The following TXNRD3 variants were observed in gnomAD, a reference collection of about 807,000 sequenced individuals.
TXNRD3 encodes TXNRD3 neighbor gene protein.
TXNRD3 carries 68 observed loss-of-function variants against 78.2 expected under a neutral mutation model. That is an observed-to-expected ratio of 0.87 (90% CI 0.72 to 1.06). The LOEUF (loss-of-function observed/expected upper bound fraction) is 1.06, where lower values mean the gene tolerates loss of function less well. TXNRD3 is among the 50% of genes least tolerant of loss of function. The pLI is 0.00. For synonymous variants in TXNRD3, 296 were observed against 300.1 expected (o/e 0.99, Z 0.14); for missense variants, 751 against 809.5 (o/e 0.93, Z 0.88).
In TXNRD3 at chr3:126,615,547, A is replaced by G. The variant is rs186036338; in HGVS notation, c.1525-85T>C. 89 of 658,956 alleles carry G rather than the reference A, an allele frequency of 1.4e-4. No individual in the cohort carries two copies. In the Admixed American group the frequency reaches 1.7e-3, roughly 12 times the overall value. The allele number at this position is 658,956 out of a possible 1,614,324, so 40.8% of individuals were successfully genotyped here. The stretch of plus-strand genomic sequence containing the variant: ...TTGCATATATTTATATAAAGAAAAT[A>G]AATCAGTCCAGTTCAGTGTAACCAA... On this transcript the variant is annotated intron_variant, in intron 12 of 15. Coordinates refer to ENST00000524230, the MANE Select transcript of TXNRD3 (RefSeq NM_052883.3).
At chr3:126,609,448 G>A (rs1372601400) in intron 14 of TXNRD3, among the ~76,000 whole-genome samples, 3 of 152,122 alleles carry the variant, frequency 2.0e-5, no homozygotes, top group African/African-American at 7.2e-5. Context: ...AGTTCCCAGG[G>A]CCCACAGAAG....
intron 11 of TXNRD3, among the ~76,000 whole-genome samples, chr3:126,622,099 C>T (rs916842571): frequency 2.0e-5 from 3 of 152,140 alleles, no homozygotes; most frequent in African/African-American, 7.2e-5. Context: ...TCTGGTGAAA[C>T]CACAGGCATT....
Position 126,621,756 on chromosome 3 carries a change from C to A in TXNRD3, c.1510G>T (p.Ala504Ser). The A allele has an allele frequency of 6.6e-7, 1 of 1,512,914 alleles. No individual in the cohort carries two copies. The highest frequency in any genetic ancestry group is 8.8e-7 in the Non-Finnish European group (1 of 1,140,304). 93.7% of individuals were successfully genotyped at this position (1,512,914 alleles called of 1,614,324 possible). A position where few individuals can be genotyped will look rare whatever the true frequency, so the allele number is the denominator to read the frequency against. The change falls in exon 12 of 16, where the codon GCC becomes TCC. Residue 504 changes from alanine to serine, a missense_variant. By Grantham distance (99) the Ala-to-Ser change is moderately conservative. Coordinates refer to ENST00000524230, the MANE Select transcript of TXNRD3 (RefSeq NM_052883.3). Reference sequence around the variant, plus strand: ...AAGAAACTTACCTTTTCTAAAGAGGCCCCAAAAAGTCTCTGAGCTAGCAGC... The same window carrying A: ...AAGAAACTTACCTTTTCTAAAGAGGACCCAAAAAGTCTCTGAGCTAGCAGC...
chr3:126,632,962 T>C (rs973133050), intron 7 of TXNRD3, among the ~76,000 whole-genome samples: 1 of 152,210 alleles, frequency 6.6e-6, no homozygotes, highest in Non-Finnish European at 1.5e-5. Context: ...TTCAACCATG[T>C]GTGCCAGGCA....
chr3:126,607,584 T>A lies in TXNRD3; in HGVS notation c.*321A>T, dbSNP rs1938076467. 1.3e-5 allele frequency: 3 copies of A among 239,410 alleles called. No homozygotes were observed. Among genetic ancestry groups the A allele is most frequent in the Non-Finnish European group, 2.4e-5 (3 of 125,152 alleles). 14.8% of individuals were successfully genotyped at this position (239,410 alleles called of 1,614,324 possible). ...GACCAGAAAAGCTAACTTAGGTGAA[T>A]GGTGCCACTCAAAGGTCTTTCCGAG... On this transcript the variant is annotated 3_prime_UTR_variant, in exon 16 of 16. Coordinates refer to ENST00000524230, the MANE Select transcript of TXNRD3 (RefSeq NM_052883.3).
intron 1 of TXNRD3, among the ~76,000 whole-genome samples, chr3:126,650,705 A>T (rs1933368720): frequency 6.6e-6 from 1 of 151,976 alleles, no homozygotes; most frequent in Non-Finnish European, 1.5e-5. Flanking sequence ...TTTCCAATGA[A>T]TCTTCCTGAT....
intron 1 of TXNRD3, among the ~76,000 whole-genome samples, chr3:126,651,465 T>C (rs1009081148): frequency 1.3e-5 from 2 of 152,362 alleles, no homozygotes; most frequent in Middle Eastern, 3.4e-3. Flanking sequence ...ACATACAGAA[T>C]AGAGGATCAT....
intron 12 of TXNRD3, among the ~76,000 whole-genome samples, chr3:126,619,628 T>C (rs1254551702): frequency 1.3e-5 from 2 of 152,112 alleles, no homozygotes; most frequent in Non-Finnish European, 2.9e-5. Context: ...CAGGAGGAGT[T>C]AAGTCCTAGT....
At position 126,630,931 on chromosome 3, in the gene TXNRD3, G is replaced by T. The variant is rs1409612489; in HGVS notation, c.978C>A (p.Asp326Glu). The change falls in exon 9 of 16, where the codon GAC becomes GAA. Residue 326 changes from aspartate to glutamate, a missense_variant. Coordinates refer to ENST00000524230, the MANE Select transcript of TXNRD3 (RefSeq NM_052883.3). ...CAGGGCAATAAGGCAGAGAAAAAAG[G>T]TCATCACTGAAAAATAAAAATTAAA... The T allele has an allele frequency of 3.9e-6, 6 of 1,533,044 alleles. No homozygotes were observed. The highest frequency in any genetic ancestry group is 5.2e-6 in the Non-Finnish European group (6 of 1,146,092). The allele number at this position is 1,533,044 out of a possible 1,614,324, so 95.0% of individuals were successfully genotyped here.
intron 7 of TXNRD3, among the ~76,000 whole-genome samples, chr3:126,632,585 G>A (rs1044312390): frequency 4.6e-5 from 7 of 150,608 alleles, no homozygotes; most frequent in Admixed American, 2.0e-4. Context: ...GCTTGAACCC[G>A]GGAGCTGGAG....
At chr3:126,615,292 C>T in intron 13 of TXNRD3, 63 bp downstream of exon 13, 1 of 718,666 alleles carries the variant, frequency 1.4e-6, no homozygotes, top group East Asian at 3.0e-5. Context: ...TAAAAAGTGA[C>T]CGCAAAGATA....
intron 14 of TXNRD3, 72 bp downstream of exon 14, chr3:126,610,965 G>T: frequency 8.1e-6 from 8 of 986,974 alleles, no homozygotes; most frequent in South Asian, 2.1e-5. Flanking sequence ...AAAAATTATA[G>T]AAATCCAAAT....
Position 126,611,071 on chromosome 3 carries a change from CAAGTGTTG to C in TXNRD3, c.1686_1693del (p.Asn562LysfsTer9), listed in dbSNP as rs1418501143. 2 of 1,523,718 alleles carry C rather than the reference CAAGTGTTG, an allele frequency of 1.3e-6. No homozygotes were observed. Among genetic ancestry groups the C allele is most frequent in the Admixed American group, 4.0e-5 (2 of 50,146 alleles). 94.4% of individuals were successfully genotyped at this position (1,523,718 alleles called of 1,614,324 possible). ...TTTATTGCAGATTATCTTTGCATAA[CAAGTGTTG>C]TTCTCTCTGCCAGCTACTGTCCATT... On this transcript the variant is annotated frameshift_variant, in exon 14 of 16. Transcript: ENST00000524230. LOFTEE classifies it high-confidence loss of function.
chr3:126,648,456 A>T (rs1027019520), intron 1 of TXNRD3, among the ~76,000 whole-genome samples: 1 of 152,242 alleles, frequency 6.6e-6, no homozygotes, highest in Non-Finnish European at 1.5e-5. Context: ...TACTACAAAG[A>T]TACAGTAATC....
At chr3:126,610,056 G>A (rs879230032) in intron 14 of TXNRD3, among the ~76,000 whole-genome samples, 14 of 152,110 alleles carry the variant, frequency 9.2e-5, no homozygotes, top group Non-Finnish European at 1.6e-4. Context: ...CATTATGACC[G>A]CCATCCCTGT....
chr3:126,651,904 G>C (rs946484248), intron 1 of TXNRD3, among the ~76,000 whole-genome samples: 2 of 152,136 alleles, frequency 1.3e-5, no homozygotes, highest in African/African-American at 4.8e-5. Context: ...ATATCTTTAT[G>C]ATCTCTGAAT....
At chr3:126,611,505 T>A (rs1306016097) in intron 13 of TXNRD3, among the ~76,000 whole-genome samples, 1 of 152,102 alleles carries the variant, frequency 6.6e-6, no homozygotes, top group Non-Finnish European at 1.5e-5. Context: ...ATAACAAGGC[T>A]CACATTCCAG....
intron 13 of TXNRD3, among the ~76,000 whole-genome samples, chr3:126,614,982 T>C (rs4679275): frequency 0.48 from 72,489 of 151,972 alleles, 18,891 homozygotes; most frequent in East Asian, 0.63. Flanking sequence ...TTTGGAAATC[T>C]GAAGAGCCCA....
chr3:126,613,819 C>T (rs1938248505), intron 13 of TXNRD3, among the ~76,000 whole-genome samples: 1 of 152,208 alleles, frequency 6.6e-6, no homozygotes, highest in African/African-American at 2.4e-5. Context: ...TGTGATATGA[C>T]TATGATACTG....
Sources: allele counts gnomAD v4.1 joint callset (sites outside exome capture counted in the v4.1 genomes callset), GRCh38; gene constraint gnomAD v4.1.1; transcripts MANE v1.5; gene names NCBI Gene and HGNC (gene_info 2026-07-23, HGNC 2026-07-21).